FHIT: variants seen among roughly 807,000 people sequenced by gnomAD.
FHIT encodes the protein bis(5'-adenosyl)-triphosphatase.
Under a neutral mutation model 17.9 loss-of-function variants are expected in FHIT, and 19 were observed. The ratio of observed to expected loss-of-function variants is 1.06; its 90% CI spans 0.74 to 1.56. FHIT has a LOEUF of 1.56. Ranked by LOEUF, FHIT falls within the 40% of genes most tolerant of loss-of-function variation. The probability of loss-of-function intolerance (pLI) is 0.00; values close to 1 mark genes in which losing one functional copy is unlikely to be tolerated. For synonymous variants in FHIT, 81 were observed against 69.7 expected, an observed-to-expected ratio of 1.16 and a Z score of -0.81; for missense variants, 248 against 189.2, an observed-to-expected ratio of 1.31 and a Z score of -1.82.
At chr3:59,825,037 A>G (rs1700927251) in intron 8 of FHIT, among the ~76,000 whole-genome samples, 1 of 152,208 alleles carries the variant, frequency 6.6e-6, no homozygotes, top group Non-Finnish European at 1.5e-5. Flanking sequence ...TTTTGGTAAA[A>G]TAAAGCAAAC....
At chr3:60,593,623 C>T (rs934905819) in intron 4 of FHIT, among the ~76,000 whole-genome samples, 15 of 152,078 alleles carry the variant, frequency 9.9e-5, no homozygotes, top group African/African-American at 3.6e-4. Flanking sequence ...CGTATGTTAA[C>T]TGCAAATGGC....
Position 60,258,098 on chromosome 3 carries a change from ACACC to A in FHIT, c.104-243950_104-243947del, listed in dbSNP as rs201323064. Among the ~76,000 whole-genome samples the A allele has an allele frequency of 7.7e-3, 1,138 of 147,892 alleles. 10 individuals carry two copies. The highest frequency in any genetic ancestry group is 0.026 in the African/African-American group (1,041 of 40,818). On this transcript the variant is annotated intron_variant, in intron 5 of 9. Transcript: ENST00000492590. The stretch of plus-strand genomic sequence containing the variant: ...CACACACACACACACACACACACAC[ACACC>A]TCTGCAGATTTTGTACACACTCCAT...
chr3:60,140,507 T>A (rs557729055), intron 5 of FHIT, among the ~76,000 whole-genome samples: 1 of 151,482 alleles, frequency 6.6e-6, no homozygotes, highest in Non-Finnish European at 1.5e-5. Flanking sequence ...GACCACCACA[T>A]GAGACAAGGT....
In FHIT at chr3:59,904,215, T is replaced by A. The variant is rs375765645; in HGVS notation, c.348+18131A>T. On this transcript the variant is annotated intron_variant, in intron 8 of 9. Transcript: ENST00000492590. Reference sequence around the variant, plus strand: ...CTAACAAAAGGAACAATAATAACCATAAAATCATGGTTAAAAAAAAAAAAG... The same window carrying A: ...CTAACAAAAGGAACAATAATAACCAAAAAATCATGGTTAAAAAAAAAAAAG... Among the ~76,000 whole-genome samples, 6 of 86,206 alleles carry A rather than the reference T, an allele frequency of 7.0e-5. No individual in the cohort carries two copies. In the South Asian group the frequency reaches 1.2e-3, roughly 17 times the overall value. 56.6% of individuals were successfully genotyped at this position (86,206 alleles called of 152,430 possible). A position where few individuals can be genotyped will look rare whatever the true frequency, so the allele number is the denominator to read the frequency against.
chr3:60,849,441 AATATAT>A (rs10662932), intron 3 of FHIT, among the ~76,000 whole-genome samples: 25 of 137,698 alleles, frequency 1.8e-4, no homozygotes, highest in African/African-American at 4.7e-4. Flanking sequence ...ACAAAAATGA[AATATAT>A]ATATATATAT....
At chr3:60,232,686 TATCTCC>T (rs889345970) in intron 5 of FHIT, among the ~76,000 whole-genome samples, 4 of 152,176 alleles carry the variant, frequency 2.6e-5, no homozygotes, top group African/African-American at 7.2e-5. Flanking sequence ...GCTAAAATCT[TATCTCC>T]ATCTCCATCT....
intron 8 of FHIT, among the ~76,000 whole-genome samples, chr3:59,865,281 T>TG (rs34925009): frequency 0.1 from 15,669 of 152,338 alleles, 790 homozygotes; most frequent in African/African-American, 0.11. Context: ...TTTTAAACCA[T>TG]GGCTGTCACA....
intron 7 of FHIT, among the ~76,000 whole-genome samples, chr3:59,958,803 T>C (rs1271691350): frequency 1.3e-5 from 2 of 152,298 alleles, no homozygotes; most frequent in East Asian, 1.9e-4. Context: ...CCCTCACTCT[T>C]GCTCTTGGAG....
intron 3 of FHIT, among the ~76,000 whole-genome samples, chr3:60,907,249 T>C (rs782796562): frequency 1.3e-5 from 2 of 152,204 alleles, no homozygotes; most frequent in Non-Finnish European, 2.9e-5. Context: ...TGATCCACTG[T>C]GAAGCAGGCA....
At position 60,946,926 on chromosome 3, in the gene FHIT, C is replaced by T. The variant is rs144863200; in HGVS notation, c.-111+95121G>A. Among the ~76,000 whole-genome samples the T allele has an allele frequency of 5.1e-3, 781 of 152,308 alleles. 4 individuals carry two copies. Among genetic ancestry groups the T allele is most frequent in the Non-Finnish European group, 8.5e-3 (580 of 68,028 alleles). ...CACATGTACTTCTTAGCCCTTGAAACGAGGCCAGTGTGTCTGAGGATGTGA... is the reference window on the plus strand; with the variant it reads ...CACATGTACTTCTTAGCCCTTGAAATGAGGCCAGTGTGTCTGAGGATGTGA... On this transcript the variant is annotated intron_variant, in intron 3 of 9. Transcript: ENST00000492590.
intron 8 of FHIT, among the ~76,000 whole-genome samples, chr3:59,760,564 A>C (rs1468675731): frequency 7.1e-6 from 1 of 141,280 alleles, no homozygotes; most frequent in African/African-American, 2.6e-5. Context: ...GCCATCAAAA[A>C]AAAAAAAAAA....
chr3:59,767,510 T>C (rs1247590817), intron 8 of FHIT, among the ~76,000 whole-genome samples: 1 of 151,976 alleles, frequency 6.6e-6, no homozygotes, highest in East Asian at 1.9e-4. Context: ...AAAAGAAAAA[T>C]GGAGTGGTGT....
chr3:60,700,229 A>T (rs147238512), intron 4 of FHIT, among the ~76,000 whole-genome samples: 55 of 152,218 alleles, frequency 3.6e-4, no homozygotes, highest in African/African-American at 1.3e-3. Context: ...TTCCCATGGC[A>T]ACTAAAAAAA....
intron 5 of FHIT, among the ~76,000 whole-genome samples, chr3:60,241,925 C>T (rs1436691675): frequency 6.6e-6 from 1 of 151,954 alleles, no homozygotes; most frequent in East Asian, 1.9e-4. Context: ...TCTAAGTTTC[C>T]AAGGATTTTA....
intron 4 of FHIT, among the ~76,000 whole-genome samples, chr3:60,803,232 A>C (rs1321315454): frequency 6.6e-6 from 1 of 152,178 alleles, no homozygotes; most frequent in Non-Finnish European, 1.5e-5. Context: ...TAAAGTGACC[A>C]GGGCCTGGTG....
rs79629810 is a variant in FHIT, at chr3:60,018,567, A to C, written c.104-4415T>G. Among the ~76,000 whole-genome samples, 1,360 of 152,224 alleles carry C rather than the reference A, an allele frequency of 8.9e-3. 29 individuals are homozygous for C. Among genetic ancestry groups the C allele is most frequent in the African/African-American group, 0.031 (1,293 of 41,482 alleles). ...TAAGGCACCTCAGCTGATAGTCAGC[A>C]ATAACTGTCAGAGATCATCTCAGAC... On this transcript the variant is annotated intron_variant, in intron 5 of 9. Coordinates refer to ENST00000492590, the MANE Select transcript of FHIT (RefSeq NM_002012.4).
intron 3 of FHIT, among the ~76,000 whole-genome samples, chr3:61,013,521 G>T (rs1446256676): frequency 6.6e-6 from 1 of 152,118 alleles, no homozygotes; most frequent in Admixed American, 6.5e-5. Context: ...AAATACAAAT[G>T]CATTGCTTTG....
intron 2 of FHIT, among the ~76,000 whole-genome samples, chr3:61,091,742 G>A (rs554442675): frequency 2.0e-5 from 3 of 151,856 alleles, no homozygotes. Flanking sequence ...GAGCCCAGGA[G>A]TTTGAGACGA....
chr3:60,780,012 C>T (rs1432476673), intron 4 of FHIT, among the ~76,000 whole-genome samples: 1 of 152,168 alleles, frequency 6.6e-6, no homozygotes, highest in Non-Finnish European at 1.5e-5. Flanking sequence ...CCCATGGTGG[C>T]ACCTACCAAG....
Sources: gnomAD v4.1 joint callset for allele counts (sites outside exome capture counted in the v4.1 genomes callset) on GRCh38, gnomAD v4.1.1 for gene constraint, MANE v1.5 for transcripts, NCBI Gene and HGNC (gene_info 2026-07-23, HGNC 2026-07-21) for gene names.